Variants in AGAP3 observed in about 807,000 individuals in gnomAD.
The protein encoded by AGAP3 is ArfGAP with GTPase domain, ankyrin repeat and PH domain 3.
AGAP3 carries 24 observed loss-of-function variants against 96.9 expected under a neutral mutation model. The ratio of observed to expected loss-of-function variants is 0.25; its 90% confidence interval spans 0.18 to 0.35. The LOEUF (loss-of-function observed/expected upper bound fraction) is 0.35, where lower values mean the gene tolerates loss of function less well. Ranked by LOEUF, AGAP3 falls within the 10% of genes least tolerant of loss-of-function variation. AGAP3 has a pLI of 1.00. For synonymous variants in AGAP3, 563 were observed against 536.1 expected, an observed-to-expected ratio of 1.05 and a Z score of -0.69; for missense variants, 876 against 1,254.2, an observed-to-expected ratio of 0.70 and a Z score of 4.55.
chr7:151,114,856 T>G lies in AGAP3; in HGVS notation c.332-1937T>G. 3 of 1,046,100 alleles carry G rather than the reference T, an allele frequency of 2.9e-6. No homozygotes were observed. In the South Asian group the frequency reaches 1.0e-4, roughly 35 times the overall value. The allele number at this position is 1,046,100 out of a possible 1,614,324, so 64.8% of individuals were successfully genotyped here. On this transcript the variant is annotated intron_variant, in intron 1 of 17. Transcript: ENST00000397238. The surrounding 1 kb of genome is among the most constrained non-coding windows in gnomAD (Gnocchi z 4.4). ...CGCGCCCACAGCGTCTGCGACTCGC[T>G]GGACCTGCACGGCGCCTCGGCCGGC...
At chr7:151,087,667 A>G (rs1798215469) in intron 1 of AGAP3, among the ~76,000 whole-genome samples, 1 of 152,186 alleles carries the variant, frequency 6.6e-6, no homozygotes, top group Non-Finnish European at 1.5e-5. Context: ...TGGCCGGGTC[A>G]TGAGCCTGAC....
intron 1 of AGAP3, among the ~76,000 whole-genome samples, chr7:151,104,474 CAAAAG>C (rs1368318063): frequency 2.0e-5 from 3 of 152,014 alleles, no homozygotes; most frequent in Non-Finnish European, 2.9e-5. Flanking sequence ...AAAAACAGGC[CAAAAG>C]AAAAGAAAGA....
intron 1 of AGAP3, among the ~76,000 whole-genome samples, chr7:151,094,246 C>G (rs1299130055): frequency 6.6e-6 from 1 of 152,052 alleles, no homozygotes; most frequent in Non-Finnish European, 1.5e-5. Flanking sequence ...GGCAGGGTAT[C>G]CTGTGTAAGG....
At chr7:151,124,473 C>T (rs1800072993) in intron 9 of AGAP3, among the ~76,000 whole-genome samples, 1 of 152,210 alleles carries the variant, frequency 6.6e-6, no homozygotes, top group African/African-American at 2.4e-5. Context: ...TGTGTTGAGC[C>T]AGAGCAGCTG....
Position 151,116,787 on chromosome 7 carries a change from C to A in AGAP3, c.332-6C>A. The stretch of plus-strand genomic sequence containing the variant: ...GGCCCTGACGGGGCGGCTCTGTCTT[C>A]CGCAGACTCGTTTGTGAACAGCCAG... On this transcript the variant is annotated splice_polypyrimidine_tract_variant and splice_region_variant and intron_variant, in intron 1 of 17. Transcript: ENST00000397238. 1 of 1,614,078 alleles carries A rather than the reference C, an allele frequency of 6.2e-7. No individual in the cohort carries two copies.
chr7:151,107,573 G>C (rs1799108786), intron 1 of AGAP3, among the ~76,000 whole-genome samples: 1 of 152,014 alleles, frequency 6.6e-6, no homozygotes, highest in Non-Finnish European at 1.5e-5. Flanking sequence ...GCAGTGAGCT[G>C]TGATGGCGCC....
intron 1 of AGAP3, among the ~76,000 whole-genome samples, chr7:151,111,643 G>C (rs1319722342): frequency 6.6e-6 from 1 of 152,142 alleles, no homozygotes; most frequent in East Asian, 1.9e-4. Flanking sequence ...CAGAAACTGG[G>C]CATAACTAGA....
chr7:151,123,066 C>G (rs527751498), intron 8 of AGAP3: 25 of 1,258,768 alleles, frequency 2.0e-5, no homozygotes, highest in East Asian at 4.0e-5. Flanking sequence ...GCCAGCGCGA[C>G]GAGGCCCAGA....
At chr7:151,116,649 G>A in intron 1 of AGAP3, 144 bp from the exon 2 acceptor site, 1 of 816,078 alleles carries the variant, frequency 1.2e-6, no homozygotes, top group Non-Finnish European at 2.1e-6. Context: ...GGGGAACTAG[G>A]GGTGAGGGTT....
At chr7:151,120,822 G>C in intron 8 of AGAP3, 1 of 1,164,130 alleles carries the variant, frequency 8.6e-7, no homozygotes, top group Middle Eastern at 4.0e-4. Context: ...CTGTTGTGCT[G>C]GCCCGGCTGA....
intron 1 of AGAP3, among the ~76,000 whole-genome samples, chr7:151,115,914 C>T (rs1799556741): frequency 6.6e-6 from 1 of 152,150 alleles, no homozygotes; most frequent in Non-Finnish European, 1.5e-5. Context: ...TCCTAGTTCC[C>T]TGTCGGGGCA....
At chr7:151,103,278 A>G (rs1798905869) in intron 1 of AGAP3, among the ~76,000 whole-genome samples, 1 of 152,246 alleles carries the variant, frequency 6.6e-6, no homozygotes, top group Admixed American at 6.5e-5. Context: ...TGTACCCAGG[A>G]AGTCTGGCTT....
At chr7:151,117,223 C>A in intron 3 of AGAP3, 41 bp downstream of exon 3, 1 of 1,600,176 alleles carries the variant, frequency 6.2e-7, no homozygotes, top group Non-Finnish European at 8.6e-7. Flanking sequence ...AGGCCGGCCA[C>A]TCCTCCAGCT....
intron 8 of AGAP3, chr7:151,122,823 GC>G: frequency 6.2e-7 from 1 of 1,612,984 alleles, no homozygotes; most frequent in Non-Finnish European, 8.5e-7. Context: ...CTCTGGACAT[GC>G]CCCCTGTGCG....
chr7:151,117,924 C>A, intron 5 of AGAP3, 147 bp downstream of exon 5: 1 of 1,203,342 alleles, frequency 8.3e-7, no homozygotes, highest in Non-Finnish European at 1.1e-6. Context: ...CTCCGTGCTG[C>A]TCGTGTCTGA....
intron 3 of AGAP3, 49 bp from the exon 4 acceptor site, chr7:151,117,322 C>G: frequency 6.2e-7 from 1 of 1,611,078 alleles, no homozygotes; most frequent in South Asian, 1.1e-5. Flanking sequence ...CTTCTTGGCC[C>G]CTGGATTCTT....
At chr7:151,125,361 T>C (rs956746546) in intron 9 of AGAP3, among the ~76,000 whole-genome samples, 1 of 152,212 alleles carries the variant, frequency 6.6e-6, no homozygotes, top group African/African-American at 2.4e-5. Flanking sequence ...AGGAGACATG[T>C]TGGGTTGGGG....
At chr7:151,123,944 G>A (rs894618066) in intron 9 of AGAP3, 58 bp downstream of exon 9, 29 of 1,522,338 alleles carry the variant, frequency 1.9e-5, no homozygotes, top group Non-Finnish European at 2.6e-5. Context: ...GGAATGTGGC[G>A]CTTCCCAGGG....
rs1005290526 is a variant in AGAP3, at chr7:151,133,722, G to C, written c.1327-678G>C. 6.6e-6 allele frequency among the ~76,000 whole-genome samples: 1 copy of C among 152,166 alleles called. No homozygotes were observed. Among genetic ancestry groups the C allele is most frequent in the Non-Finnish European group, 1.5e-5 (1 of 68,028 alleles). On this transcript the variant is annotated intron_variant, in intron 10 of 17. Coordinates refer to ENST00000397238, the MANE Select transcript of AGAP3 (RefSeq NM_031946.7). This position sits in a 1 kb window ranked among gnomAD's most constrained non-coding sequence, Gnocchi z 5.4. ...CTCCCTCAGGTGGTGAAGATTACGC[G>C]AGGCTATACGTGGAATGTATAAATA...
Sources: gnomAD v4.1 joint callset for allele counts (sites outside exome capture counted in the v4.1 genomes callset) on GRCh38, gnomAD v4.1.1 for gene constraint, Gnocchi (gnomAD v3.1) non-coding constraint, MANE v1.5 for transcripts, NCBI Gene and HGNC (gene_info 2026-07-23, HGNC 2026-07-21) for gene names.